The following PLBD2 variants were observed in gnomAD, a reference collection of about 807,000 sequenced individuals.
PLBD2 encodes phospholipase B domain containing 2.
In PLBD2, 51 loss-of-function variants were observed where a neutral mutation model predicts 68.3. The observed-to-expected ratio is 0.75, with a 90% CI of 0.60 to 0.94. The LOEUF is 0.94. Among genes scored for constraint, PLBD2 ranks in the 40% least tolerant of loss-of-function variants. The pLI is 0.00. For missense variants in PLBD2, 729 were observed against 792.2 expected (o/e 0.92, Z 0.96); for synonymous variants, 314 against 339.3 (o/e 0.93, Z 0.82).
Position 113,389,621 on chromosome 12 carries a change from T to A in PLBD2, c.*995T>A, listed in dbSNP as rs183687306. ...TCCATCCATCCATCTACCTATCCATTTATCATCCATCCACTCACCCATCCA... is the reference window on the plus strand; with the variant it reads ...TCCATCCATCCATCTACCTATCCATATATCATCCATCCACTCACCCATCCA... On this transcript the variant is annotated 3_prime_UTR_variant, in exon 12 of 12. Coordinates refer to ENST00000280800, the MANE Select transcript of PLBD2 (RefSeq NM_173542.4). 1.3e-5 allele frequency: 2 copies of A among 151,720 alleles called. No individual in the cohort carries two copies. Among genetic ancestry groups the A allele is most frequent in the African/African-American group, 4.8e-5 (2 of 41,352 alleles). 9.4% of individuals were successfully genotyped at this position (151,720 alleles called of 1,614,324 possible).
At chr12:113,362,781 C>G (rs992040540) in intron 1 of PLBD2, among the ~76,000 whole-genome samples, 1 of 146,692 alleles carries the variant, frequency 6.8e-6, no homozygotes, top group Non-Finnish European at 1.5e-5. Context: ...GAGTAATCTT[C>G]TTTTGATTTA....
At position 113,374,987 on chromosome 12, in the gene PLBD2, A is replaced by G; in HGVS notation, c.839A>G (p.Gln280Arg). The G allele has an allele frequency of 6.2e-7, 1 of 1,614,056 alleles. No individual in the cohort carries two copies. Among genetic ancestry groups the G allele is most frequent in the Admixed American group, 1.7e-5 (1 of 60,022 alleles). The part of the protein sequence containing the change: ...MLRVIKKYWL[Q>R]FREGPWGDYP... ...CGTGTCATCAAGAAGTACTGGCTCC[A>G]GTTCCGGGAAGGCCCCTGGGGTAGG... The change falls in exon 5 of 12, where the codon CAG becomes CGG. Residue 280 changes from glutamine to arginine, a missense_variant. Transcript: ENST00000280800.
At chr12:113,379,726 C>T (rs1022962868) in intron 5 of PLBD2, among the ~76,000 whole-genome samples, 5 of 151,890 alleles carry the variant, frequency 3.3e-5, no homozygotes, top group African/African-American at 7.3e-5. Flanking sequence ...GCAGGAGAAG[C>T]GCTTACAACT....
rs1306527367 is a variant in PLBD2 at position 113,358,871 on chromosome 12, A to G, written c.271A>G (p.Asn91Asp). 51 of 1,525,996 alleles carry G rather than the reference A, an allele frequency of 3.3e-5. No homozygotes were observed. The highest frequency in any genetic ancestry group is 4.2e-5 in the Non-Finnish European group (48 of 1,139,358). 94.5% of individuals were successfully genotyped at this position (1,525,996 alleles called of 1,614,324 possible). ...PDAVAWANLT[N>D]AIRETGWAFL... ...CGCCGTGGCCTGGGCCAACCTCACC[A>G]ACGCCATCCGCGAGACTGGGTAAGG... Residue 91 changes from asparagine to aspartate, a missense_variant, in exon 1 of 12, where the codon AAC becomes GAC. Physicochemically the swap from Asn to Asp is conservative, Grantham distance 23. Transcript: ENST00000280800.
Position 113,388,471 on chromosome 12 carries a change from T to C in PLBD2, c.1615T>C (p.Ser539Pro). 1 of 1,594,578 alleles carries C rather than the reference T, an allele frequency of 6.3e-7. No individual in the cohort carries two copies. The highest frequency in any genetic ancestry group is 8.5e-7 in the Non-Finnish European group (1 of 1,174,160). Residue 539 changes from serine to proline, a missense_variant, in exon 12 of 12, where the codon TCA (serine) becomes CCA (proline). By Grantham distance (74) the Ser-to-Pro change is moderately conservative. Transcript: ENST00000280800. ...GCCCTGTCCCCAGGTGACCAGCATG[T>C]CACTGGCCAGGATCCTGAGCCTGCT... ...GGIDVKVTSMSLARILSLLAA... is the reference protein window; with the variant it reads ...GGIDVKVTSMPLARILSLLAA...
chr12:113,381,098 C>T (rs1367471638), intron 6 of PLBD2, among the ~76,000 whole-genome samples: 2 of 152,112 alleles, frequency 1.3e-5, no homozygotes, highest in East Asian at 1.9e-4. Context: ...CCCCAGGCCC[C>T]GCACAGGGCC....
At chr12:113,383,976 G>GCAA in intron 6 of PLBD2, 129 bp from the exon 7 acceptor site, 1 of 799,390 alleles carries the variant, frequency 1.3e-6, no homozygotes, top group South Asian at 3.3e-5. Context: ...TCCAGCCTGG[G>GCAA]CAAGAGTGAG....
chr12:113,372,848 C>A lies in PLBD2; in HGVS notation c.543+41C>A. The A allele has an allele frequency of 6.3e-7, 1 of 1,596,366 alleles. No individual in the cohort carries two copies. Among genetic ancestry groups the A allele is most frequent in the Non-Finnish European group, 8.5e-7 (1 of 1,172,444 alleles). ...ACGCTTGGTGGGAGGGGGCTTCCAG[C>A]TGGCCAGCCATCCTGTCTCCTGTTG... On this transcript the variant is annotated intron_variant, in intron 3 of 11. Transcript: ENST00000280800. The surrounding 1 kb of genome is among the most constrained non-coding windows in gnomAD (Gnocchi z 4.2).
chr12:113,377,670 A>G (rs1241177408), intron 5 of PLBD2, among the ~76,000 whole-genome samples: 1 of 151,930 alleles, frequency 6.6e-6, no homozygotes, highest in Non-Finnish European at 1.5e-5. Context: ...AAGTGATCCA[A>G]CCGCCTGTCC....
intron 5 of PLBD2, among the ~76,000 whole-genome samples, chr12:113,376,248 C>T (rs1038199866): frequency 1.3e-5 from 2 of 150,424 alleles, no homozygotes; most frequent in Non-Finnish European, 2.9e-5. Flanking sequence ...ACTGTGACCT[C>T]TGCCTCCTGG....
intron 9 of PLBD2, among the ~76,000 whole-genome samples, chr12:113,386,292 G>A (rs1444120422): frequency 6.6e-6 from 1 of 151,814 alleles, no homozygotes; most frequent in Non-Finnish European, 1.5e-5. Flanking sequence ...GGGTTCAAGC[G>A]ATTCTTGTGC....
At chr12:113,387,182 GC>G (rs1957561088) in intron 10 of PLBD2, 93 bp downstream of exon 10, 1 of 1,454,668 alleles carries the variant, frequency 6.9e-7, no homozygotes, top group Non-Finnish European at 9.1e-7. Context: ...TTCAAACTTT[GC>G]TGCCAGCCCC....
At chr12:113,361,389 G>A (rs1282469585) in intron 1 of PLBD2, among the ~76,000 whole-genome samples, 2 of 135,014 alleles carry the variant, frequency 1.5e-5, no homozygotes, top group Non-Finnish European at 3.0e-5. Flanking sequence ...ATCCAGGCTC[G>A]AGTGCAGTGG....
At chr12:113,368,782 A>G (rs980884890) in intron 1 of PLBD2, among the ~76,000 whole-genome samples, 2 of 152,144 alleles carry the variant, frequency 1.3e-5, no homozygotes, top group African/African-American at 4.8e-5. Flanking sequence ...TAGACATGAA[A>G]GTGACTAGAA....
At chr12:113,385,411 C>T in intron 9 of PLBD2, 128 bp downstream of exon 9, 2 of 825,776 alleles carry the variant, frequency 2.4e-6, no homozygotes, top group South Asian at 1.7e-5. Context: ...CCTTTTCTGG[C>T]CAGGAGAGCC....
At chr12:113,382,727 C>A (rs186864959) in intron 6 of PLBD2, among the ~76,000 whole-genome samples, 195 of 151,928 alleles carry the variant, frequency 1.3e-3, no homozygotes, top group South Asian at 9.2e-3. Flanking sequence ...CTGTGTCCAG[C>A]CTTTTTTTTC....
chr12:113,373,085 A>G (rs748830553), intron 3 of PLBD2, among the ~76,000 whole-genome samples: 5 of 152,246 alleles, frequency 3.3e-5, no homozygotes, highest in Non-Finnish European at 7.3e-5. Context: ...GCTTGTGTAC[A>G]TATGGTGTTT....
At chr12:113,377,458 C>T (rs1957445572) in intron 5 of PLBD2, among the ~76,000 whole-genome samples, 1 of 152,120 alleles carries the variant, frequency 6.6e-6, no homozygotes, top group African/African-American at 2.4e-5. Flanking sequence ...AACAGTCTTG[C>T]TCTGTCACCC....
intron 5 of PLBD2, among the ~76,000 whole-genome samples, chr12:113,375,978 C>A (rs1017059039): frequency 6.6e-6 from 1 of 151,840 alleles, no homozygotes; most frequent in Non-Finnish European, 1.5e-5. Context: ...CTCAGCCTCT[C>A]GAGTAGCTGG....
Sources: gnomAD v4.1 joint callset for allele counts (sites outside exome capture counted in the v4.1 genomes callset) on GRCh38, gnomAD v4.1.1 for gene constraint, Gnocchi (gnomAD v3.1) non-coding constraint, MANE v1.5 for transcripts, NCBI Gene and HGNC (gene_info 2026-07-23, HGNC 2026-07-21) for gene names.